The following KLRF1 variants were observed in gnomAD, a reference collection of about 807,000 sequenced individuals.
KLRF1 encodes the protein killer cell lectin-like receptor subfamily F member 1.
A neutral mutation model predicts 30.7 loss-of-function variants in KLRF1; 27 were observed. The ratio of observed to expected loss-of-function variants is 0.88; its 90% CI spans 0.65 to 1.21. KLRF1 has a LOEUF of 1.21. Among genes scored for constraint, KLRF1 ranks in the 50% most tolerant of loss-of-function variants. The pLI, the probability that KLRF1 is intolerant of heterozygous loss-of-function variation, is 0.00. For synonymous variants in KLRF1, 92 were observed against 89.3 expected, an observed-to-expected ratio of 1.03 and a Z score of -0.17; for missense variants, 246 against 259.3, an observed-to-expected ratio of 0.95 and a Z score of 0.35.
At chr12:9,842,007 C>T in intron 4 of KLRF1, 56 bp downstream of exon 4, 1 of 1,502,296 alleles carries the variant, frequency 6.7e-7, no homozygotes, top group Non-Finnish European at 9.0e-7. Flanking sequence ...TGGCTTTCCT[C>T]AAATATCTTT....
At chr12:9,843,037 C>A (rs905173064) in intron 5 of KLRF1, among the ~76,000 whole-genome samples, 5 of 152,050 alleles carry the variant, frequency 3.3e-5, no homozygotes, top group African/African-American at 1.2e-4. Flanking sequence ...TTTTATATGG[C>A]AAAAGAGCCT....
chr12:9,813,169 A>G, the KLRF1 span, among the ~76,000 whole-genome samples: 23 of 151,492 alleles, frequency 1.5e-4, no homozygotes, highest in African/African-American at 3.9e-4. Flanking sequence ...TTATTATTAT[A>G]CTTTAAGTTT....
chr12:9,830,586 T>G (rs1591753532), intron 1 of KLRF1, among the ~76,000 whole-genome samples: 2 of 152,066 alleles, frequency 1.3e-5, no homozygotes, highest in Admixed American at 6.6e-5. Context: ...TTTCTGTTTT[T>G]TAACATAAAG....
upstream of KLRF1, among the ~76,000 whole-genome samples, chr12:9,823,224 CAA>C (rs71049011): frequency 7.2e-6 from 1 of 139,100 alleles, no homozygotes. Flanking sequence ...TTAGCAAATG[CAA>C]AAAAAAAAAA....
chr12:9,807,669 T>G, the KLRF1 span, among the ~76,000 whole-genome samples: 1 of 152,162 alleles, frequency 6.6e-6, no homozygotes, highest in African/African-American at 2.4e-5. Flanking sequence ...AAGTTACTGT[T>G]GAGTGTCATT....
the KLRF1 span, among the ~76,000 whole-genome samples, chr12:9,819,089 C>A: frequency 6.6e-6 from 1 of 152,160 alleles, no homozygotes; most frequent in Non-Finnish European, 1.5e-5. Flanking sequence ...ATCTTTGCAA[C>A]CCTTGGGTCA....
Position 9,844,593 on chromosome 12 carries a change from A to T in KLRF1, c.*67A>T. 1 of 814,910 alleles carries T rather than the reference A, an allele frequency of 1.2e-6. No homozygotes were observed. Among genetic ancestry groups the T allele is most frequent in the South Asian group, 1.5e-5 (1 of 66,004 alleles). 50.5% of individuals were successfully genotyped at this position (814,910 alleles called of 1,614,324 possible). A position where few individuals can be genotyped will look rare whatever the true frequency, so the allele number is the denominator to read the frequency against. ...TTTTGGCCTATTAGTTTCTAATATT[A>T]ATCTCCAGGTGTAAGATTTTAAAGT... On this transcript the variant is annotated 3_prime_UTR_variant, in exon 6 of 6. Coordinates refer to ENST00000617889, the MANE Select transcript of KLRF1 (RefSeq NM_016523.3).
At position 9,833,319 on chromosome 12, in the gene KLRF1, G is replaced by A; in HGVS notation, c.201G>A (p.Leu67=). ...SLILLVSQGV[L]LKCQKGSCSN... ...GTATTCAAGTTTCTCAGGGAGTATT[G>A]CTAAAATGCCAAAAAGGAAGTTGTT... Residue 67 remains leucine (L), a synonymous_variant, in exon 3 of 6, where the codon TTG becomes TTA. Transcript: ENST00000617889. The A allele has an allele frequency of 6.2e-7, 1 of 1,601,728 alleles. No individual in the cohort carries two copies. Among genetic ancestry groups the A allele is most frequent in the Non-Finnish European group, 8.5e-7 (1 of 1,174,858 alleles).
chr12:9,815,790 T>C, the KLRF1 span, among the ~76,000 whole-genome samples: 1 of 152,206 alleles, frequency 6.6e-6, no homozygotes, highest in South Asian at 2.1e-4. Context: ...GTATGGCTGC[T>C]GCGGCTGCTG....
chr12:9,828,913 C>G (rs1358704561), intron 1 of KLRF1, among the ~76,000 whole-genome samples: 2 of 152,104 alleles, frequency 1.3e-5, no homozygotes, highest in Non-Finnish European at 2.9e-5. Flanking sequence ...CTCTCTGAAG[C>G]AAAAATGTGC....
chr12:9,815,731 C>G, the KLRF1 span, among the ~76,000 whole-genome samples: 1 of 152,206 alleles, frequency 6.6e-6, no homozygotes, highest in Non-Finnish European at 1.5e-5. Context: ...CTCCTGGCTT[C>G]CAGGCATAGT....
chr12:9,822,788 T>C (rs1330601439), upstream of KLRF1, among the ~76,000 whole-genome samples: 1 of 150,770 alleles, frequency 6.6e-6, no homozygotes, highest in Non-Finnish European at 1.5e-5. Flanking sequence ...AACAAGCAAA[T>C]GAAAATCAGT....
At chr12:9,826,740 G>A (rs1484516851), upstream of KLRF1, among the ~76,000 whole-genome samples, 4 of 152,088 alleles carry the variant, frequency 2.6e-5, no homozygotes, top group African/African-American at 9.7e-5. Context: ...TGAAGCTAGA[G>A]GCCGTTACCC....
At chr12:9,843,042 G>A (rs1035268372) in intron 5 of KLRF1, among the ~76,000 whole-genome samples, 1 of 152,272 alleles carries the variant, frequency 6.6e-6, no homozygotes, top group Admixed American at 6.5e-5. Flanking sequence ...TATGGCAAAA[G>A]AGCCTTTGCA....
At chr12:9,833,534 T>C (rs1867496100) in intron 3 of KLRF1, 82 bp downstream of exon 3, 4 of 1,161,172 alleles carry the variant, frequency 3.4e-6, no homozygotes, top group Non-Finnish European at 4.6e-6. Context: ...AGGTATGCAA[T>C]AGATTAAAGT....
the KLRF1 span, among the ~76,000 whole-genome samples, chr12:9,813,462 G>A: frequency 3.6e-4 from 55 of 151,976 alleles, 1 homozygote; most frequent in South Asian, 0.011. Context: ...AGGCCCCCAC[G>A]CCCAGCTGGA....
At chr12:9,813,187 C>T in the KLRF1 span, among the ~76,000 whole-genome samples, 5 of 151,618 alleles carry the variant, frequency 3.3e-5, no homozygotes, top group African/African-American at 1.2e-4. Flanking sequence ...TTTTAGGGTA[C>T]ATGTGCACAA....
chr12:9,802,434 G>A, the KLRF1 span, among the ~76,000 whole-genome samples: 1 of 152,024 alleles, frequency 6.6e-6, no homozygotes, highest in African/African-American at 2.4e-5. Context: ...CACAAGACAA[G>A]TATTTCCTCT....
chr12:9,839,629 A>G (rs900163210), intron 3 of KLRF1, among the ~76,000 whole-genome samples: 1 of 152,092 alleles, frequency 6.6e-6, no homozygotes, highest in Non-Finnish European at 1.5e-5. Flanking sequence ...GATGTTTAAT[A>G]TGATCATTCA....
Sources: gnomAD v4.1 joint callset for allele counts (sites outside exome capture counted in the v4.1 genomes callset) on GRCh38, gnomAD v4.1.1 for gene constraint, MANE v1.5 for transcripts, NCBI Gene and HGNC (gene_info 2026-07-23, HGNC 2026-07-21) for gene names.